PTK2B: variants seen among roughly 807,000 people sequenced by gnomAD.
PTK2B encodes the protein protein-tyrosine kinase 2-beta.
PTK2B carries 71 observed loss-of-function variants against 142.9 expected under a neutral mutation model. The ratio of observed to expected loss-of-function variants is 0.50; its 90% CI spans 0.41 to 0.61. The LOEUF is 0.61. Among genes scored for constraint, PTK2B ranks in the 20% least tolerant of loss-of-function variants. The pLI, the probability that PTK2B is intolerant of heterozygous loss-of-function variation, is 0.00. For synonymous variants in PTK2B, 519 were observed against 503.4 expected, an observed-to-expected ratio of 1.03 and a Z score of -0.42; for missense variants, 1,105 against 1,320.4, an observed-to-expected ratio of 0.84 and a Z score of 2.53.
chr8:27,405,032 C>CT lies in PTK2B; in HGVS notation c.204+7246dup, dbSNP rs1808618680. ...CCCCTCCCTCCCTTCCTCTCTTTCT[C>CT]TTCCTCTCTCTCTCTCTCTCTCTCT... On this transcript the variant is annotated intron_variant, in intron 2 of 30. Transcript: ENST00000346049. 2.4e-5 allele frequency among the ~76,000 whole-genome samples: 3 copies of CT among 123,280 alleles called. 1 individual carries two copies. The highest frequency in any genetic ancestry group is 8.2e-5 in the Admixed American group (1 of 12,122). The allele number at this position is 123,280 out of a possible 152,430, so 80.9% of individuals were successfully genotyped here. A position where few individuals can be genotyped will look rare whatever the true frequency, so the allele number is the denominator to read the frequency against.
At chr8:27,381,007 G>T (rs1806981926) in intron 1 of PTK2B, among the ~76,000 whole-genome samples, 1 of 152,172 alleles carries the variant, frequency 6.6e-6, no homozygotes, top group African/African-American at 2.4e-5. Context: ...TGCTGTATTA[G>T]ATACTTCAGA....
intron 1 of PTK2B, among the ~76,000 whole-genome samples, chr8:27,357,160 T>C: frequency 6.6e-6 from 1 of 152,264 alleles, no homozygotes; most frequent in East Asian, 1.9e-4. Context: ...ATTATTATTC[T>C]ACAAGGTGTT....
chr8:27,407,407 A>G (rs1808786960), intron 2 of PTK2B, among the ~76,000 whole-genome samples: 1 of 152,126 alleles, frequency 6.6e-6, no homozygotes, highest in Non-Finnish European at 1.5e-5. Flanking sequence ...TTTTCTTTGC[A>G]TTGTTCATCC....
intron 14 of PTK2B, 83 bp from the exon 15 acceptor site, chr8:27,436,161 ACGCCTGG>A: frequency 4.9e-6 from 6 of 1,231,782 alleles, no homozygotes; most frequent in Non-Finnish European, 7.1e-6. Flanking sequence ...AGATCTGGTG[ACGCCTGG>A]CTTTAGAGCC....
chr8:27,422,821 C>T (rs1342785725), intron 5 of PTK2B, among the ~76,000 whole-genome samples: 1 of 152,170 alleles, frequency 6.6e-6, no homozygotes, highest in Non-Finnish European at 1.5e-5. Flanking sequence ...AGTACATCAT[C>T]CAGAGAGGCC....
intron 1 of PTK2B, among the ~76,000 whole-genome samples, chr8:27,357,662 A>G (rs1049521766): frequency 1.3e-5 from 2 of 152,186 alleles, no homozygotes; most frequent in African/African-American, 4.8e-5. Flanking sequence ...GAGAGAGGAG[A>G]TGCCTTTTTT....
chr8:27,398,669 A>G (rs1808206897), intron 2 of PTK2B, among the ~76,000 whole-genome samples: 1 of 152,216 alleles, frequency 6.6e-6, no homozygotes, highest in Admixed American at 6.5e-5. Context: ...TAATTTGAAC[A>G]AAGGAAGCAG....
intron 1 of PTK2B, among the ~76,000 whole-genome samples, chr8:27,342,849 T>C (rs544975531): frequency 2.0e-5 from 3 of 152,326 alleles, no homozygotes; most frequent in African/African-American, 7.2e-5. Flanking sequence ...ATAGAAGATG[T>C]ATTCCATCCA....
At chr8:27,350,975 C>CAAAAAAAAAAAAAAAAAAAAAAAAAAA (rs1161040902) in intron 1 of PTK2B, among the ~76,000 whole-genome samples, 1 of 2,348 alleles carries the variant, frequency 4.3e-4, no homozygotes, top group Admixed American at 4.1e-3. Context: ...GTCTCCGTCT[C>CAAAAAAAAAAAAAAAAAAAAAAAAAAA]AAAAAAAAAA....
intron 1 of PTK2B, among the ~76,000 whole-genome samples, chr8:27,359,312 C>T (rs576689875): frequency 6.6e-6 from 1 of 152,276 alleles, no homozygotes; most frequent in African/African-American, 2.4e-5. Flanking sequence ...GAAGGGGTTT[C>T]ACCATATTGG....
intron 3 of PTK2B, among the ~76,000 whole-genome samples, chr8:27,315,028 C>T (rs904840424): frequency 6.6e-6 from 1 of 152,222 alleles, no homozygotes; most frequent in Admixed American, 6.5e-5. Context: ...GACGTTTTCC[C>T]TTGGCCCACA....
intron 1 of PTK2B, chr8:27,396,318 G>A (rs1270126572): frequency 6.6e-6 from 1 of 152,212 alleles, no homozygotes; most frequent in African/African-American, 2.4e-5. Context: ...GTGACTCCAT[G>A]TTCGTGTTTT....
chr8:27,458,494 C>G lies in PTK2B; in HGVS notation c.3015C>G (p.His1005Gln). ...CCAAGGTTCTGGCCAATCTGGCCCA[C>G]CCACCTGCAGAGTGACGGAGGGTGG... Reference protein sequence around the residue: ...DQAKVLANLAHPPAE With the variant: ...DQAKVLANLAQPPAE Residue 1005 changes from histidine (H) to glutamine (Q), a missense_variant, in exon 31 of 31, where the codon CAC becomes CAG. His to Gln is a conservative substitution (Grantham distance 24). Transcript: ENST00000346049. 1 of 1,577,540 alleles carries G rather than the reference C, an allele frequency of 6.3e-7. No homozygotes were observed. The highest frequency in any genetic ancestry group is 8.6e-7 in the Non-Finnish European group (1 of 1,162,172).
chr8:27,458,139 G>A (rs1025299641), intron 30 of PTK2B, among the ~76,000 whole-genome samples, 155 bp from the exon 31 acceptor site: 3 of 152,106 alleles, frequency 2.0e-5, no homozygotes, highest in Non-Finnish European at 4.4e-5. Context: ...GACCCTGCAC[G>A]GGGTGTTGCA....
In PTK2B at chr8:27,439,342, C is replaced by T; in HGVS notation, c.1778C>T (p.Ser593Phe). 1.9e-6 allele frequency: 3 copies of T among 1,614,116 alleles called. No homozygotes were observed. The highest frequency in any genetic ancestry group is 2.5e-6 in the Non-Finnish European group (3 of 1,179,966). Reference protein sequence around the residue: ...SVTRLPIKWMSPESINFRRFT... With the variant: ...SVTRLPIKWMFPESINFRRFT... ...ACTCGTCTCCCCATCAAATGGATGTCCCCAGAGTCCATTAACTTCCGACGC... is the reference window on the plus strand; with the variant it reads ...ACTCGTCTCCCCATCAAATGGATGTTCCCAGAGTCCATTAACTTCCGACGC... The change falls in exon 20 of 31, where the codon TCC becomes TTC. Residue 593 changes from serine to phenylalanine, a missense_variant. Transcript: ENST00000346049.
At chr8:27,444,296 A>G (rs1811335276) in intron 23 of PTK2B, 25 bp downstream of exon 23, 1 of 1,599,488 alleles carries the variant, frequency 6.3e-7, no homozygotes, top group Non-Finnish European at 8.6e-7. Flanking sequence ...AGAGGACGGG[A>G]ACTTCAGGTC....
intron 1 of PTK2B, among the ~76,000 whole-genome samples, chr8:27,371,303 C>T (rs778613263): frequency 1.3e-5 from 2 of 152,126 alleles, no homozygotes; most frequent in African/African-American, 2.4e-5. Context: ...GGCATTCTTG[C>T]CGGCTGAGAG....
chr8:27,435,987 C>A (rs1200308638), intron 14 of PTK2B, among the ~76,000 whole-genome samples, 194 bp downstream of exon 14: 1 of 152,074 alleles, frequency 6.6e-6, no homozygotes, highest in East Asian at 1.9e-4. Context: ...TACTGATTGA[C>A]CTTTTGTGTG....
At chr8:27,400,943 C>T (rs1030024622) in intron 2 of PTK2B, among the ~76,000 whole-genome samples, 2 of 151,936 alleles carry the variant, frequency 1.3e-5, no homozygotes, top group Admixed American at 6.6e-5. Flanking sequence ...GTCAGGCGTT[C>T]GAGACCAGCC....
Sources: gnomAD v4.1 joint callset for allele counts (sites outside exome capture counted in the v4.1 genomes callset) on GRCh38, gnomAD v4.1.1 for gene constraint, MANE v1.5 for transcripts, NCBI Gene and HGNC (gene_info 2026-07-23, HGNC 2026-07-21) for gene names.